Variants in CSMD3 observed in about 807,000 individuals in gnomAD.
CSMD3 encodes CUB and Sushi multiple domains 3.
In CSMD3, 177 loss-of-function variants were observed where a neutral mutation model predicts 435.2. That is an observed-to-expected ratio of 0.41 (90% confidence interval 0.36 to 0.46). The LOEUF (loss-of-function observed/expected upper bound fraction) is 0.46, where lower values mean the gene tolerates loss of function less well. Ranked by LOEUF, CSMD3 falls within the 20% of genes least tolerant of loss-of-function variation. CSMD3 has a pLI of 0.34. For synonymous variants in CSMD3, 1,656 were observed against 1,520.5 expected, an observed-to-expected ratio of 1.09 and a Z score of -2.07; for missense variants, 4,265 against 4,504.6, an observed-to-expected ratio of 0.95 and a Z score of 1.52.
chr8:112,341,425 TA>T (rs2130989790), intron 42 of CSMD3, 51 bp downstream of exon 42: 1 of 1,150,438 alleles, frequency 8.7e-7, no homozygotes, highest in African/African-American at 1.5e-5. Flanking sequence ...TAAATATTTC[TA>T]ATAGCTGATT....
intron 1 of CSMD3, among the ~76,000 whole-genome samples, chr8:113,328,137 T>G (rs971589165): frequency 8.6e-5 from 13 of 151,826 alleles, no homozygotes; most frequent in Admixed American, 6.6e-5. Flanking sequence ...GAAAACCTTT[T>G]GGGATAAGAT....
At chr8:113,412,979 T>G (rs1394165662) in intron 1 of CSMD3, among the ~76,000 whole-genome samples, 1 of 152,060 alleles carries the variant, frequency 6.6e-6, no homozygotes, top group Non-Finnish European at 1.5e-5. Flanking sequence ...TCCTATTAGA[T>G]ATATATATAA....
intron 3 of CSMD3, among the ~76,000 whole-genome samples, chr8:113,180,292 A>C (rs954777899): frequency 8.6e-5 from 13 of 152,024 alleles, no homozygotes; most frequent in Non-Finnish European, 1.3e-4. Flanking sequence ...TTTTTTAGTG[A>C]TACAAAATGT....
At chr8:112,794,285 CTTTTTT>C (rs1203991072) in intron 13 of CSMD3, among the ~76,000 whole-genome samples, 3 of 96,302 alleles carry the variant, frequency 3.1e-5, no homozygotes, top group Non-Finnish European at 6.1e-5. Context: ...GACTGATAAA[CTTTTTT>C]TTTTTTTTTT....
chr8:112,795,429 C>T (rs2078804594), intron 13 of CSMD3, among the ~76,000 whole-genome samples: 1 of 152,114 alleles, frequency 6.6e-6, no homozygotes, highest in Admixed American at 6.5e-5. Context: ...TATTTGAACT[C>T]TCTGCAGTTG....
At chr8:113,069,658 A>T (rs553050855) in intron 5 of CSMD3, among the ~76,000 whole-genome samples, 10 of 152,224 alleles carry the variant, frequency 6.6e-5, no homozygotes, top group African/African-American at 2.2e-4. Context: ...AGATTTCATG[A>T]GTACTTCTTA....
At chr8:112,896,704 T>C (rs1383588788) in intron 10 of CSMD3, among the ~76,000 whole-genome samples, 1 of 151,500 alleles carries the variant, frequency 6.6e-6, no homozygotes, top group African/African-American at 2.4e-5. Context: ...TCCATGTATT[T>C]TGTTTCCATT....
intron 31 of CSMD3, among the ~76,000 whole-genome samples, chr8:112,487,488 GGTGTGTATGAGCAGA>G (rs1378175859): frequency 6.6e-6 from 1 of 152,082 alleles, no homozygotes; most frequent in African/African-American, 2.4e-5. Flanking sequence ...AAGAGGTCAG[GGTGTGTATGAGCAGA>G]TGAAGTAGAA....
chr8:112,610,809 T>C (rs1309223263), intron 22 of CSMD3, among the ~76,000 whole-genome samples: 1 of 152,164 alleles, frequency 6.6e-6, no homozygotes, highest in Non-Finnish European at 1.5e-5. Context: ...AGAGGCTGAA[T>C]GGAGTGGACT....
At chr8:112,423,667 A>G (rs1326389708) in intron 32 of CSMD3, among the ~76,000 whole-genome samples, 1 of 152,156 alleles carries the variant, frequency 6.6e-6, no homozygotes, top group East Asian at 1.9e-4. Flanking sequence ...CTGGACTCGA[A>G]CTTCTGGGCT....
At chr8:112,387,771 T>C (rs758830183) in intron 36 of CSMD3, among the ~76,000 whole-genome samples, 1 of 152,220 alleles carries the variant, frequency 6.6e-6, no homozygotes, top group Non-Finnish European at 1.5e-5. Flanking sequence ...GGATAAGTGA[T>C]ATATAACACA....
chr8:113,125,046 A>G (rs2091087705), intron 4 of CSMD3, among the ~76,000 whole-genome samples: 1 of 151,970 alleles, frequency 6.6e-6, no homozygotes, highest in African/African-American at 2.4e-5. Flanking sequence ...TTCTAAACAT[A>G]GCATGCTGTT....
intron 13 of CSMD3, among the ~76,000 whole-genome samples, chr8:112,726,828 T>C (rs1030372991): frequency 1.3e-5 from 2 of 151,864 alleles, no homozygotes; most frequent in African/African-American, 2.4e-5. Context: ...ATTGATGTAA[T>C]GTATTAGATT....
chr8:113,363,660 T>C (rs1220993363), intron 1 of CSMD3, among the ~76,000 whole-genome samples: 1 of 152,144 alleles, frequency 6.6e-6, no homozygotes, highest in East Asian at 1.9e-4. Context: ...GTGAGTCTAA[T>C]TTTCCTCCAC....
intron 2 of CSMD3, among the ~76,000 whole-genome samples, chr8:113,307,994 T>C (rs187228578): frequency 2.3e-4 from 35 of 152,152 alleles, no homozygotes; most frequent in Non-Finnish European, 4.9e-4. Context: ...ATGAGAGCTT[T>C]AAAAAGTTCA....
intron 13 of CSMD3, among the ~76,000 whole-genome samples, chr8:112,784,225 T>C (rs1230420669): frequency 6.6e-6 from 1 of 152,004 alleles, no homozygotes; most frequent in Non-Finnish European, 1.5e-5. Context: ...TTAAAATGTC[T>C]TGAAACAAAT....
chr8:112,249,861 T>C lies in CSMD3; in HGVS notation c.10111-2730A>G, dbSNP rs373744016. ...GCCATCATCTGTAGAAACCCTTCCC[T>C]GCAGCAAGAAATTAGAAAAACCATC... On this transcript the variant is annotated intron_variant, in intron 63 of 70. Coordinates refer to ENST00000297405, the MANE Select transcript of CSMD3 (RefSeq NM_198123.2). Among the ~76,000 whole-genome samples, 275 of 152,132 alleles carry C rather than the reference T, an allele frequency of 1.8e-3. 1 individual carries two copies. Among genetic ancestry groups the C allele is most frequent in the African/African-American group, 6.4e-3 (267 of 41,546 alleles).
chr8:112,304,617 T>C lies in CSMD3; in HGVS notation c.8266+104A>G, dbSNP rs1014098400. ...CGAGAATAAATGACCATATTAGTAA[T>C]GTCATCCAATTATTGATCTAATGTG... On this transcript the variant is annotated intron_variant, in intron 52 of 70. Transcript: ENST00000297405. 73 of 854,800 alleles carry C rather than the reference T, an allele frequency of 8.5e-5. No individual in the cohort carries two copies. The African/African-American group carries it at 1.1e-3, about 13-fold the overall frequency. 53.0% of individuals were successfully genotyped at this position (854,800 alleles called of 1,614,324 possible).
chr8:113,418,426 A>C (rs528577962), intron 1 of CSMD3, among the ~76,000 whole-genome samples: 6 of 152,294 alleles, frequency 3.9e-5, no homozygotes, highest in African/African-American at 1.4e-4. Context: ...GCAGCGTGGC[A>C]GTAAAATATA....
Sources: allele counts gnomAD v4.1 joint callset (sites outside exome capture counted in the v4.1 genomes callset), GRCh38; gene constraint gnomAD v4.1.1; transcripts MANE v1.5; gene names NCBI Gene and HGNC (gene_info 2026-07-23, HGNC 2026-07-21).